WDR70: variants seen among roughly 807,000 people sequenced by gnomAD.
The protein encoded by WDR70 is WD repeat domain 70.
In WDR70, 53 loss-of-function variants were observed where a neutral mutation model predicts 88.6. That is an observed-to-expected ratio of 0.60 (90% confidence interval 0.48 to 0.75). The LOEUF (loss-of-function observed/expected upper bound fraction) is 0.75, where lower values mean the gene tolerates loss of function less well. Ranked by LOEUF, WDR70 falls within the 30% of genes least tolerant of loss-of-function variation. The pLI is 0.00. For missense variants in WDR70, 610 were observed against 823.2 expected (o/e 0.74, Z 3.17); for synonymous variants, 280 against 270.0 (o/e 1.04, Z -0.36).
chr5:37,504,242 T>C (rs1740491712), intron 8 of WDR70, among the ~76,000 whole-genome samples: 1 of 152,176 alleles, frequency 6.6e-6, no homozygotes, highest in South Asian at 2.1e-4. Flanking sequence ...CAATAGTTGA[T>C]GATATTTGAG....
At chr5:37,464,067 G>T (rs1255124539) in intron 7 of WDR70, among the ~76,000 whole-genome samples, 1 of 152,142 alleles carries the variant, frequency 6.6e-6, no homozygotes, top group Non-Finnish European at 1.5e-5. Flanking sequence ...CCAGAGAAAT[G>T]GAGCCATTGA....
chr5:37,705,719 A>G (rs1303014893), intron 13 of WDR70, among the ~76,000 whole-genome samples: 1 of 152,156 alleles, frequency 6.6e-6, no homozygotes, highest in East Asian at 1.9e-4. Context: ...CCTCTTTTAT[A>G]ATTTTGTGTT....
In WDR70 at chr5:37,506,534, C is replaced by T. The variant is rs145096821; in HGVS notation, c.841-9980C>T. ...CCAGCATACTGTCAGGTTCTTTATT[C>T]GCTAAAGTGCTCCGTGTAGTTGTAA... On this transcript the variant is annotated intron_variant, in intron 8 of 17. Coordinates refer to ENST00000265107, the MANE Select transcript of WDR70 (RefSeq NM_018034.4). 5.5e-4 allele frequency: 426 copies of T among 770,718 alleles called. 1 individual carries two copies. The African/African-American group carries it at 5.8e-3, about 10-fold the overall frequency. The allele number at this position is 770,718 out of a possible 1,614,324, so 47.7% of individuals were successfully genotyped here.
intron 8 of WDR70, among the ~76,000 whole-genome samples, chr5:37,510,624 A>G (rs1349867724): frequency 6.6e-6 from 1 of 152,134 alleles, no homozygotes; most frequent in Admixed American, 6.5e-5. Context: ...AACATTGATA[A>G]CGTATTATTA....
chr5:37,380,496 G>A (rs1283029765), intron 2 of WDR70, among the ~76,000 whole-genome samples: 1 of 151,596 alleles, frequency 6.6e-6, no homozygotes, highest in Non-Finnish European at 1.5e-5. Flanking sequence ...CCGCCACCTC[G>A]CCCGGCTGAT....
intron 13 of WDR70, 23 bp from the exon 14 acceptor site, chr5:37,721,092 A>T: frequency 1.2e-6 from 2 of 1,611,244 alleles, no homozygotes; most frequent in Non-Finnish European, 1.7e-6. Context: ...TCTTTAGTCA[A>T]CCACTGCGCT....
intron 13 of WDR70, among the ~76,000 whole-genome samples, chr5:37,718,950 TA>T (rs903717870): frequency 6.6e-6 from 1 of 152,056 alleles, no homozygotes; most frequent in African/African-American, 2.4e-5. Flanking sequence ...ATACATGCTA[TA>T]AAAAAAGAAA....
chr5:37,703,157 G>A (rs958386723), intron 13 of WDR70, 70 bp downstream of exon 13: 1 of 1,560,534 alleles, frequency 6.4e-7, no homozygotes, highest in African/African-American at 1.4e-5. Flanking sequence ...TTTTGGTTTT[G>A]TTTGTTAAGT....
At chr5:37,527,660 C>CAT (rs1741332129) in intron 9 of WDR70, among the ~76,000 whole-genome samples, 1 of 152,152 alleles carries the variant, frequency 6.6e-6, no homozygotes, top group Non-Finnish European at 1.5e-5. Context: ...AGAGCTTCTG[C>CAT]ACAGCAAAAG....
chr5:37,617,914 T>A (rs750736232), intron 10 of WDR70, among the ~76,000 whole-genome samples: 2 of 152,176 alleles, frequency 1.3e-5, no homozygotes, highest in Non-Finnish European at 2.9e-5. Flanking sequence ...GTACAAAACT[T>A]TGTAGATTAA....
chr5:37,413,168 G>C (rs1749576515), intron 5 of WDR70, among the ~76,000 whole-genome samples: 1 of 152,076 alleles, frequency 6.6e-6, no homozygotes. Flanking sequence ...GTTCCTTAGG[G>C]TTTCGAAACT....
chr5:37,380,361 C>T (rs190145160), intron 2 of WDR70, among the ~76,000 whole-genome samples: 2 of 151,662 alleles, frequency 1.3e-5, no homozygotes, highest in Admixed American at 6.6e-5. Flanking sequence ...TTTTTGGAGA[C>T]GGAGTCTCGC....
chr5:37,490,492 G>GGCATTGGCT (rs1740034695), intron 8 of WDR70, among the ~76,000 whole-genome samples: 1 of 152,122 alleles, frequency 6.6e-6, no homozygotes, highest in African/African-American at 2.4e-5. Context: ...TATTCCCTGT[G>GGCATTGGCT]GCATTGGCTG....
chr5:37,522,676 G>A (rs1486334564), intron 9 of WDR70, among the ~76,000 whole-genome samples: 1 of 152,126 alleles, frequency 6.6e-6, no homozygotes, highest in African/African-American at 2.4e-5. Flanking sequence ...CCAAAGCAGG[G>A]CGAGGCATCA....
At chr5:37,654,768 GC>G (rs138205190) in intron 10 of WDR70, among the ~76,000 whole-genome samples, 16,084 of 151,992 alleles carry the variant, frequency 0.11, 2,733 homozygotes, top group African/African-American at 0.36. Context: ...TAGGATTGCA[GC>G]CCCTGCTTTT....
At chr5:37,706,370 G>T (rs2112667123) in intron 13 of WDR70, among the ~76,000 whole-genome samples, 1 of 152,250 alleles carries the variant, frequency 6.6e-6, no homozygotes, top group South Asian at 2.1e-4. Flanking sequence ...ACACTGAAAT[G>T]ATTTGTTTAT....
chr5:37,479,772 T>A, intron 7 of WDR70, 62 bp from the exon 8 acceptor site: 2 of 1,509,782 alleles, frequency 1.3e-6, no homozygotes, highest in Non-Finnish European at 8.9e-7. Context: ...CAATACTTAA[T>A]GTAGTAAAAT....
In WDR70 at chr5:37,398,087, ATT is replaced by A. The variant is rs756446462; in HGVS notation, c.492+1534_492+1535del. Among the ~76,000 whole-genome samples the A allele has an allele frequency of 1.2e-3, 142 of 121,356 alleles. 2 individuals are homozygous for A. Among genetic ancestry groups the A allele is most frequent in the Non-Finnish European group, 1.3e-3 (79 of 59,662 alleles). 79.6% of individuals were successfully genotyped at this position (121,356 alleles called of 152,430 possible). A position where few individuals can be genotyped will look rare whatever the true frequency, so the allele number is the denominator to read the frequency against. The stretch of plus-strand genomic sequence containing the variant: ...TTGTATTTGACACTTGGGGTAGATA[ATT>A]TTTTTTTTTTTTTTTTGAGACGGGA... On this transcript the variant is annotated intron_variant, in intron 5 of 17. Coordinates refer to ENST00000265107, the MANE Select transcript of WDR70 (RefSeq NM_018034.4).
At chr5:37,397,830 T>C (rs1406205346) in intron 5 of WDR70, among the ~76,000 whole-genome samples, 1 of 151,892 alleles carries the variant, frequency 6.6e-6, no homozygotes, top group Non-Finnish European at 1.5e-5. Context: ...CCGTCTCTAC[T>C]AAAAATACAA....
Sources: gnomAD v4.1 joint callset for allele counts (sites outside exome capture counted in the v4.1 genomes callset) on GRCh38, gnomAD v4.1.1 for gene constraint, MANE v1.5 for transcripts, NCBI Gene and HGNC (gene_info 2026-07-23, HGNC 2026-07-21) for gene names.